MYH3: variants seen among roughly 807,000 people sequenced by gnomAD.
The protein encoded by MYH3 is myosin-3.
A neutral mutation model predicts 238.0 loss-of-function variants in MYH3; 130 were observed. The ratio of observed to expected loss-of-function variants is 0.55; its 90% CI spans 0.47 to 0.63. MYH3 has a LOEUF of 0.63. Among genes scored for constraint, MYH3 ranks in the 30% least tolerant of loss-of-function variants. The pLI is 0.00. For synonymous variants in MYH3, 880 were observed against 924.1 expected (o/e 0.95, Z 0.86); for missense variants, 1,853 against 2,374.9 (o/e 0.78, Z 4.57).
rs1188582575 is a variant in MYH3, at chr17:10,629,700, C to T, written c.5693G>A (p.Arg1898Gln). 5 of 1,614,210 alleles carry T rather than the reference C, an allele frequency of 3.1e-6. No homozygotes were observed. Among genetic ancestry groups the T allele is most frequent in the Non-Finnish European group, 3.4e-6 (4 of 1,180,052 alleles). ...EQANAHLTKF[R>Q]KAQHELEEAE... ...CTCCTCCAGCTCATGCTGAGCCTTT[C>T]GGAATTTGGTGAGATGAGCATTGGC... Residue 1898 changes from arginine to glutamine, a missense_variant, in exon 40 of 41, where the codon CGA becomes CAA. By Grantham distance (43) the Arg-to-Gln change is conservative. Coordinates refer to ENST00000583535, the MANE Select transcript of MYH3 (RefSeq NM_002470.4).
intron 8 of MYH3, 38 bp downstream of exon 8, chr17:10,648,519 C>T: frequency 6.4e-7 from 1 of 1,563,722 alleles, no homozygotes; most frequent in Non-Finnish European, 8.8e-7. Context: ...TTTTGTGAGG[C>T]ACAAAGCAAA....
chr17:10,664,257 A>C, the MYH3 span, among the ~76,000 whole-genome samples: 1 of 152,226 alleles, frequency 6.6e-6, no homozygotes, highest in Admixed American at 6.5e-5. Context: ...GCATTGGTTC[A>C]TCTAATGCTC....
rs751145040 is a variant in MYH3 at position 10,638,262 on chromosome 17, C to T, written c.3510G>A (p.Ala1170=). ...GGTCCCTGCGCAGCTTCAGGAACTC[C>T]GCCTCCCGCTTCTTGTTGAGCTCTA... The part of the protein sequence containing the change: ...TQIELNKKRE[A]EFLKLRRDLE... Residue 1170 remains alanine (A), a synonymous_variant, in exon 27 of 41, where the codon GCG becomes GCA. Transcript: ENST00000583535. 5.6e-6 allele frequency: 9 copies of T among 1,613,762 alleles called. No homozygotes were observed. The highest frequency in any genetic ancestry group is 2.2e-5 in the South Asian group (2 of 91,058).
At chr17:10,661,395 C>T (rs1298606233), upstream of MYH3, among the ~76,000 whole-genome samples, 4 of 151,458 alleles carry the variant, frequency 2.6e-5, no homozygotes, top group Non-Finnish European at 5.9e-5. Context: ...TGAACTGGAT[C>T]CTCTCTTGGA....
intron 28 of MYH3, 55 bp downstream of exon 28, chr17:10,637,754 C>T (rs535045387): frequency 1.7e-5 from 27 of 1,612,120 alleles, no homozygotes; most frequent in Middle Eastern, 1.9e-4. Flanking sequence ...TGGCCAGCTA[C>T]GCCCATTGGG....
intron 8 of MYH3, among the ~76,000 whole-genome samples, chr17:10,648,036 A>C (rs891881093): frequency 1.1e-4 from 16 of 152,210 alleles, no homozygotes; most frequent in African/African-American, 3.9e-4. Context: ...CCTGGCTTAT[A>C]GAATCCCTCA....
In MYH3 at chr17:10,634,876, G is replaced by C; in HGVS notation, c.4320C>G (p.Ala1440=). 6.2e-7 allele frequency: 1 copy of C among 1,614,050 alleles called. No homozygotes were observed. The stretch of plus-strand genomic sequence containing the variant: ...TCCTCTGCTTCTTGTCCAGAGCGGC[G>C]GCCAAGGAATTGGCTCTTTCAACAT... ...MVDVERANSL[A]AALDKKQRNF... Residue 1440 remains alanine (A), a synonymous_variant, in exon 31 of 41, where the codon GCC becomes GCG. Coordinates refer to ENST00000583535, the MANE Select transcript of MYH3 (RefSeq NM_002470.4).
upstream of MYH3, among the ~76,000 whole-genome samples, chr17:10,661,479 C>A (rs1179360762): frequency 1.3e-5 from 2 of 152,030 alleles, no homozygotes; most frequent in African/African-American, 4.8e-5. Flanking sequence ...ACAGAAGGAG[C>A]CCTTATTCTT....
upstream of MYH3, among the ~76,000 whole-genome samples, chr17:10,660,844 G>C (rs1004323761): frequency 5.9e-5 from 9 of 151,984 alleles, no homozygotes; most frequent in Non-Finnish European, 1.0e-4. Context: ...AATTACCTGA[G>C]TGTGGTGGTG....
intron 8 of MYH3, 107 bp from the exon 9 acceptor site, chr17:10,647,533 G>T (rs1597490496): frequency 8.9e-6 from 1 of 111,984 alleles, no homozygotes; most frequent in Non-Finnish European, 2.5e-5. Flanking sequence ...TAAAATTTTT[G>T]TTTTGTTTTG....
chr17:10,641,666 C>T (rs2074273906), intron 17 of MYH3, among the ~76,000 whole-genome samples: 1 of 152,092 alleles, frequency 6.6e-6, no homozygotes, highest in South Asian at 2.1e-4. Flanking sequence ...AGGCATATGC[C>T]ACCACACCTG....
Position 10,631,529 on chromosome 17 carries a change from G to A in MYH3, c.5286+82C>T. 3 of 1,599,264 alleles carry A rather than the reference G, an allele frequency of 1.9e-6. No individual in the cohort carries two copies. The South Asian group carries it at 3.3e-5, about 18-fold the overall frequency. On this transcript the variant is annotated intron_variant, in intron 36 of 40. Coordinates refer to ENST00000583535, the MANE Select transcript of MYH3 (RefSeq NM_002470.4). ...ATGTGCACCAGGTGTGGCTGGGGGA[G>A]ACCGCACCTGTCTAACTATGTGAGG...
At chr17:10,663,143 T>C in the MYH3 span, among the ~76,000 whole-genome samples, 2 of 141,996 alleles carry the variant, frequency 1.4e-5, no homozygotes, top group African/African-American at 2.5e-5. Context: ...AAATAAATCT[T>C]ATTGGACATT....
the MYH3 span, chr17:10,676,791 T>C: frequency 2.0e-5 from 3 of 152,208 alleles, no homozygotes; most frequent in East Asian, 1.9e-4. Flanking sequence ...CTTTTCTGTA[T>C]GCCAAACTTT....
At chr17:10,631,157 T>A (rs368446891) in intron 36 of MYH3, among the ~76,000 whole-genome samples, 1 of 152,008 alleles carries the variant, frequency 6.6e-6, no homozygotes. Context: ...TTGGGGATAG[T>A]GAGATTAAGG....
intron 3 of MYH3, among the ~76,000 whole-genome samples, chr17:10,653,444 C>G (rs1171632626): frequency 6.6e-6 from 1 of 152,186 alleles, no homozygotes; most frequent in Non-Finnish European, 1.5e-5. Flanking sequence ...CCAGCCCCAG[C>G]ATGCTCAGGA....
chr17:10,655,955 C>T (rs1396656526), intron 2 of MYH3, 135 bp downstream of exon 2: 1 of 152,540 alleles, frequency 6.6e-6, no homozygotes, highest in Non-Finnish European at 1.5e-5. Flanking sequence ...CGGCCACGAC[C>T]TGTCCTTGTC....
Position 10,632,669 on chromosome 17 carries a change from T to C in MYH3, c.4763A>G (p.Lys1588Arg), listed in dbSNP as rs777465428. The C allele has an allele frequency of 6.2e-7, 1 of 1,614,200 alleles. No homozygotes were observed. The highest frequency in any genetic ancestry group is 1.7e-5 in the Admixed American group (1 of 60,018). ...AEKDEEIEQL[K>R]RNYQRTVETM... ...TTCCACTGTTCTCTGGTAGTTCCTC[T>C]TCAGCTGCTCGATCTCTTCATCCTT... The change falls in exon 34 of 41, where the codon AAG becomes AGG. Residue 1588 changes from lysine to arginine, a missense_variant. By Grantham distance (26) the Lys-to-Arg change is conservative. Transcript: ENST00000583535.
chr17:10,670,221 C>A, the MYH3 span, among the ~76,000 whole-genome samples: 1 of 152,170 alleles, frequency 6.6e-6, no homozygotes, highest in Non-Finnish European at 1.5e-5. The surrounding 1 kb of genome is among the most constrained non-coding windows in gnomAD (Gnocchi z 7.0). Context: ...CATTTCTGTT[C>A]CATGGCCAAA....
Sources: gnomAD v4.1 joint callset for allele counts (sites outside exome capture counted in the v4.1 genomes callset) on GRCh38, gnomAD v4.1.1 for gene constraint, Gnocchi (gnomAD v3.1) non-coding constraint, MANE v1.5 for transcripts, NCBI Gene and HGNC (gene_info 2026-07-23, HGNC 2026-07-21) for gene names.